STXBP6: variants seen among roughly 807,000 people sequenced by gnomAD.
The protein encoded by STXBP6 is syntaxin binding protein 6.
STXBP6 carries 21 observed loss-of-function variants against 26.9 expected under a neutral mutation model. That is an observed-to-expected ratio of 0.78 (90% CI 0.55 to 1.12). The LOEUF (loss-of-function observed/expected upper bound fraction) is 1.12, where lower values mean the gene tolerates loss of function less well. Ranked by LOEUF, STXBP6 falls within the 50% of genes most tolerant of loss-of-function variation. STXBP6 has a pLI of 0.00. For synonymous variants in STXBP6, 97 were observed against 92.6 expected (o/e 1.05, Z -0.27); for missense variants, 232 against 257.9 (o/e 0.90, Z 0.69).
rs2067841536 is a variant in STXBP6, at chr14:24,812,153, A to C, written c.*556T>G. The C allele has an allele frequency of 1.3e-5, 2 of 151,346 alleles. No homozygotes were observed. The highest frequency in any genetic ancestry group is 4.9e-5 in the African/African-American group (2 of 41,084). 9.4% of individuals were successfully genotyped at this position (151,346 alleles called of 1,614,324 possible). ...GATTACTATGCAAGGAGCAAAATCTAAGACTGCTGTTTTTCCCAATAAATT... is the reference window on the plus strand; with the variant it reads ...GATTACTATGCAAGGAGCAAAATCTCAGACTGCTGTTTTTCCCAATAAATT... On this transcript the variant is annotated 3_prime_UTR_variant, in exon 6 of 6. Coordinates refer to ENST00000323944, the MANE Select transcript of STXBP6 (RefSeq NM_001394410.1).
intron 4 of STXBP6, among the ~76,000 whole-genome samples, chr14:24,851,450 A>G (rs1383565582): frequency 7.5e-6 from 1 of 133,048 alleles, no homozygotes; most frequent in African/African-American, 2.9e-5. Context: ...ATGTGTTCTC[A>G]CTGTTCAATT....
chr14:24,990,646 T>C, intron 1 of STXBP6, among the ~76,000 whole-genome samples: 1 of 107,700 alleles, frequency 9.3e-6, no homozygotes. Context: ...CATGAGTGAA[T>C]GAAACTCCAT....
chr14:25,021,450 C>T lies in STXBP6; in HGVS notation c.-33+28428G>A, dbSNP rs74037462. 5.8e-3 allele frequency among the ~76,000 whole-genome samples: 885 copies of T among 152,292 alleles called. 9 individuals are homozygous for T. Among genetic ancestry groups the T allele is most frequent in the African/African-American group, 0.02 (830 of 41,556 alleles). On this transcript the variant is annotated intron_variant, in intron 1 of 5. Coordinates refer to ENST00000323944, the MANE Select transcript of STXBP6 (RefSeq NM_001394410.1). ...TAGTTACTGCCTTATTTATCAGTTT[C>T]CCGTTACAGGAAAAATAGAAGAATA... is the stretch of plus-strand genomic sequence containing the variant.
intron 2 of STXBP6, among the ~76,000 whole-genome samples, chr14:24,918,164 A>G (rs2071836201): frequency 6.6e-6 from 1 of 151,934 alleles, no homozygotes; most frequent in Non-Finnish European, 1.5e-5. Flanking sequence ...AGGGGTGGTG[A>G]TGAAAAAAGT....
At chr14:24,873,780 A>G (rs1250798611) in intron 2 of STXBP6, among the ~76,000 whole-genome samples, 2 of 152,070 alleles carry the variant, frequency 1.3e-5, no homozygotes, top group Non-Finnish European at 2.9e-5. Flanking sequence ...ACCCTGGTTC[A>G]CTCTTCTCTG....
chr14:24,904,701 C>T (rs2071328513), intron 2 of STXBP6, among the ~76,000 whole-genome samples: 1 of 152,108 alleles, frequency 6.6e-6, no homozygotes, highest in South Asian at 2.1e-4. Context: ...GAGGACACAG[C>T]ACAAAGGCAG....
chr14:24,995,955 T>C (rs1265242811), intron 1 of STXBP6, among the ~76,000 whole-genome samples: 11 of 152,166 alleles, frequency 7.2e-5, no homozygotes, highest in Non-Finnish European at 1.5e-4. Context: ...CTTTCAGAAC[T>C]CAAATGGAAA....
chr14:25,036,573 G>A (rs1317533414), intron 1 of STXBP6, among the ~76,000 whole-genome samples: 1 of 152,132 alleles, frequency 6.6e-6, no homozygotes, highest in African/African-American at 2.4e-5. Flanking sequence ...GAAATCAGCT[G>A]GCCCGGCACG....
intron 2 of STXBP6, among the ~76,000 whole-genome samples, chr14:24,896,882 T>C (rs2071009417): frequency 6.6e-6 from 1 of 152,090 alleles, no homozygotes; most frequent in African/African-American, 2.4e-5. Flanking sequence ...TGGTAAGTGT[T>C]AGTGGGGCCC....
intron 2 of STXBP6, among the ~76,000 whole-genome samples, chr14:24,885,017 A>G: frequency 6.6e-6 from 1 of 152,162 alleles, no homozygotes; most frequent in East Asian, 1.9e-4. Context: ...TTGCTTCCCC[A>G]TCAGTGCTCT....
intron 1 of STXBP6, among the ~76,000 whole-genome samples, chr14:25,027,549 C>G (rs58590969): frequency 0.12 from 18,607 of 152,206 alleles, 1,210 homozygotes; most frequent in African/African-American, 0.13. Context: ...TCCCACCAGC[C>G]ATGCCCCTGC....
intron 2 of STXBP6, among the ~76,000 whole-genome samples, chr14:24,894,060 T>G (rs2070886683): frequency 6.6e-6 from 1 of 152,196 alleles, no homozygotes; most frequent in Non-Finnish European, 1.5e-5. Flanking sequence ...GGAAACAGAT[T>G]AAGTCATGTT....
At chr14:25,048,001 T>C (rs2075751574) in intron 1 of STXBP6, among the ~76,000 whole-genome samples, 1 of 152,192 alleles carries the variant, frequency 6.6e-6, no homozygotes, top group South Asian at 2.1e-4. Flanking sequence ...TCATGCTGCC[T>C]TCCTCAGATA....
intron 4 of STXBP6, among the ~76,000 whole-genome samples, chr14:24,838,345 C>G (rs1311098735): frequency 6.6e-6 from 1 of 152,096 alleles, no homozygotes; most frequent in Non-Finnish European, 1.5e-5. Flanking sequence ...ATCAACATAT[C>G]TGCTGTGGTC....
chr14:24,885,339 A>G (rs1202394687), intron 2 of STXBP6, among the ~76,000 whole-genome samples: 1 of 152,208 alleles, frequency 6.6e-6, no homozygotes, highest in African/African-American at 2.4e-5. Context: ...CATCTCCAAA[A>G]TAAGTGTTCT....
chr14:24,848,526 T>C (rs1199406809), intron 4 of STXBP6, among the ~76,000 whole-genome samples: 1 of 152,168 alleles, frequency 6.6e-6, no homozygotes, highest in Non-Finnish European at 1.5e-5. Context: ...ATTTTGGAAG[T>C]ACCTTTACGT....
chr14:24,876,456 G>A (rs2070147373), intron 2 of STXBP6, among the ~76,000 whole-genome samples: 1 of 152,090 alleles, frequency 6.6e-6, no homozygotes, highest in Non-Finnish European at 1.5e-5. Flanking sequence ...TTATTCCAGT[G>A]CCCCTGCCCA....
intron 2 of STXBP6, among the ~76,000 whole-genome samples, chr14:24,881,220 C>CA (rs1446227501): frequency 6.6e-6 from 1 of 151,970 alleles, no homozygotes; most frequent in African/African-American, 2.4e-5. Context: ...GGGTAAAACT[C>CA]AGAGGCAGCT....
chr14:24,919,760 G>C (rs1028942835), intron 2 of STXBP6, among the ~76,000 whole-genome samples: 29 of 152,064 alleles, frequency 1.9e-4, no homozygotes, highest in African/African-American at 6.0e-4. Context: ...AATGAAAACA[G>C]TAGTGGGAGA....
Sources: allele counts gnomAD v4.1 joint callset (sites outside exome capture counted in the v4.1 genomes callset), GRCh38; gene constraint gnomAD v4.1.1; transcripts MANE v1.5; gene names NCBI Gene and HGNC (gene_info 2026-07-23, HGNC 2026-07-21).